The following CACNA1A variants were observed in gnomAD, a reference collection of about 807,000 sequenced individuals.
CACNA1A encodes calcium voltage-gated channel subunit alpha1 A, also known as voltage-dependent P/Q-type calcium channel subunit alpha-1A.
Under a neutral mutation model 262.4 loss-of-function variants are expected in CACNA1A, and 57 were observed. The observed-to-expected ratio is 0.22, with a 90% CI of 0.18 to 0.27. The LOEUF is 0.27. Ranked by LOEUF, CACNA1A falls within the 10% of genes least tolerant of loss-of-function variation. CACNA1A has a pLI of 1.00. For synonymous variants in CACNA1A, 1,431 were observed against 1,419.3 expected (o/e 1.01, Z -0.18); for missense variants, 2,526 against 3,562.8 (o/e 0.71, Z 7.41).
intron 38 of CACNA1A, among the ~76,000 whole-genome samples, chr19:13,223,510 G>A (rs992875645): frequency 2.0e-5 from 3 of 152,052 alleles, no homozygotes; most frequent in African/African-American, 7.2e-5. Context: ...CTAAGCTGCC[G>A]CCCTGTCTCC....
chr19:13,238,287 A>G (rs1011564351), intron 31 of CACNA1A, among the ~76,000 whole-genome samples: 1 of 152,068 alleles, frequency 6.6e-6, no homozygotes, highest in Non-Finnish European at 1.5e-5. Context: ...CTTCCTGGCT[A>G]GAATGTGATG....
At chr19:13,231,397 T>C (rs1165279982) in intron 35 of CACNA1A, among the ~76,000 whole-genome samples, 1 of 150,052 alleles carries the variant, frequency 6.7e-6, no homozygotes, top group Admixed American at 6.6e-5. Flanking sequence ...CACCTGGCAA[T>C]GTCCGGAGAC....
chr19:13,411,694 TTCTCTCTC>T (rs144610146), intron 3 of CACNA1A, among the ~76,000 whole-genome samples: 1 of 147,766 alleles, frequency 6.8e-6, no homozygotes, highest in Non-Finnish European at 1.5e-5. Context: ...CTCTTTCTCC[TTCTCTCTC>T]TCTCTCTCTC....
At chr19:13,468,778 C>A (rs1428623364) in intron 1 of CACNA1A, among the ~76,000 whole-genome samples, 1 of 152,140 alleles carries the variant, frequency 6.6e-6, no homozygotes. Context: ...CAGAGCAAGA[C>A]TCTGTCTCAA....
intron 38 of CACNA1A, among the ~76,000 whole-genome samples, chr19:13,224,214 C>T (rs577461252): frequency 4.0e-5 from 6 of 151,892 alleles, no homozygotes; most frequent in African/African-American, 1.4e-4. Flanking sequence ...ATCCCAGCTA[C>T]TTGGGAGGCT....
chr19:13,472,608 T>C (rs1978287636), intron 1 of CACNA1A, among the ~76,000 whole-genome samples: 1 of 152,204 alleles, frequency 6.6e-6, no homozygotes, highest in South Asian at 2.1e-4. Flanking sequence ...CTGTTCCCTC[T>C]GCCTGGGATT....
intron 10 of CACNA1A, among the ~76,000 whole-genome samples, chr19:13,325,134 C>T (rs559595719): frequency 2.9e-5 from 4 of 140,326 alleles, no homozygotes; most frequent in Non-Finnish European, 6.1e-5. Flanking sequence ...ATTCCTCCTC[C>T]TCCTCCTCTT....
At chr19:13,293,688 C>G (rs907577097) in intron 19 of CACNA1A, among the ~76,000 whole-genome samples, 4 of 150,314 alleles carry the variant, frequency 2.7e-5, no homozygotes, top group African/African-American at 9.8e-5. Flanking sequence ...GAACTCATGA[C>G]CTTGTGATCC....
intron 43 of CACNA1A, chr19:13,211,744 C>A (rs1459978228): frequency 2.8e-5 from 8 of 281,334 alleles, no homozygotes; most frequent in African/African-American, 1.5e-4. Flanking sequence ...TAGGGGTGAT[C>A]TTCGTGGCAG....
At chr19:13,237,533 C>G (rs536625542) in intron 31 of CACNA1A, among the ~76,000 whole-genome samples, 1 of 152,242 alleles carries the variant, frequency 6.6e-6, no homozygotes, top group Non-Finnish European at 1.5e-5. Context: ...GGCCTGGGAG[C>G]TGAGAGGCAA....
At chr19:13,348,474 A>G (rs1427353116) in intron 6 of CACNA1A, among the ~76,000 whole-genome samples, 1 of 151,828 alleles carries the variant, frequency 6.6e-6, no homozygotes, top group Non-Finnish European at 1.5e-5. Context: ...AGGCCAAGGC[A>G]GGCAGATCAC....
chr19:13,308,493 A>C lies in CACNA1A; in HGVS notation c.1704T>G (p.Ala568=). ...IIGSIFEVIW[A]VIKPGTSFGI... is the part of the protein sequence containing the mutation. The stretch of plus-strand genomic sequence containing the variant: ...CAAAGGATGTGCCAGGTTTTATGAC[A>C]GCCCAGATGACCTCGAAGATGCTCC... The change falls in exon 13 of 47, where the codon GCT becomes GCG. Residue 568 remains alanine, a synonymous_variant. Coordinates refer to ENST00000360228, the MANE Select transcript of CACNA1A (RefSeq NM_001127222.2). The surrounding 1 kb of genome is among the most constrained non-coding windows in gnomAD (Gnocchi z 4.2). 1 of 1,613,462 alleles carries C rather than the reference A, an allele frequency of 6.2e-7. No individual in the cohort carries two copies. Among genetic ancestry groups the C allele is most frequent in the Non-Finnish European group, 8.5e-7 (1 of 1,179,584 alleles).
chr19:13,283,744 G>A lies in CACNA1A; in HGVS notation c.3693-348C>T, dbSNP rs958880443. The stretch of plus-strand genomic sequence containing the variant: ...GGCTTTTCGATATTAAATGTCCCAG[G>A]GCCAAACAATATTGTGAATCTATGG... On this transcript the variant is annotated intron_variant, in intron 21 of 46. Transcript: ENST00000360228. 28 of 188,380 alleles carry A rather than the reference G, an allele frequency of 1.5e-4. 1 individual carries two copies. Among genetic ancestry groups the A allele is most frequent in the Non-Finnish European group, 2.4e-4 (22 of 89,864 alleles). 11.7% of individuals were successfully genotyped at this position (188,380 alleles called of 1,614,324 possible). A position where few individuals can be genotyped will look rare whatever the true frequency, so the allele number is the denominator to read the frequency against.
At chr19:13,466,287 C>T (rs1174218117) in intron 1 of CACNA1A, among the ~76,000 whole-genome samples, 3 of 150,000 alleles carry the variant, frequency 2.0e-5, no homozygotes, top group African/African-American at 4.9e-5. Context: ...TTACCCTGGG[C>T]GACACAGTGA....
chr19:13,232,768 GC>G (rs2055715119), intron 34 of CACNA1A, among the ~76,000 whole-genome samples: 1 of 149,532 alleles, frequency 6.7e-6, no homozygotes, highest in South Asian at 2.1e-4. Context: ...CTCCCTTCAG[GC>G]CGGGTGCAGT....
At chr19:13,429,251 T>C (rs2060461299) in intron 3 of CACNA1A, among the ~76,000 whole-genome samples, 1 of 151,310 alleles carries the variant, frequency 6.6e-6, no homozygotes, top group South Asian at 2.1e-4. Context: ...CCACTAAAAT[T>C]AGCTCCATCT....
At chr19:13,464,693 C>CTT (rs1468055425) in intron 1 of CACNA1A, among the ~76,000 whole-genome samples, 4 of 151,314 alleles carry the variant, frequency 2.6e-5, no homozygotes, top group African/African-American at 9.7e-5. Context: ...GGATTACAGG[C>CTT]GCCTGCCACC....
At position 13,303,863 on chromosome 19, in the gene CACNA1A, T is replaced by G. The variant is rs1348014902; in HGVS notation, c.2008A>C (p.Asn670His). The G allele has an allele frequency of 6.2e-7, 1 of 1,613,252 alleles. No individual in the cohort carries two copies. The highest frequency in any genetic ancestry group is 1.3e-5 in the African/African-American group (1 of 74,864). ...VFQILTGEDW[N>H]EVMYDGIKSQ... is the part of the protein sequence containing the mutation. Reference sequence around the variant, plus strand: ...TTGATCCCGTCGTACATGACCTCGTTCCAGTCTTCGCCCGTCAGGATCTGA... The same window carrying G: ...TTGATCCCGTCGTACATGACCTCGTGCCAGTCTTCGCCCGTCAGGATCTGA... The change falls in exon 16 of 47, where the codon AAC becomes CAC. Residue 670 changes from asparagine (N) to histidine (H), a missense_variant. Coordinates refer to ENST00000360228, the MANE Select transcript of CACNA1A (RefSeq NM_001127222.2).
At chr19:13,426,373 G>A (rs557166081) in intron 3 of CACNA1A, among the ~76,000 whole-genome samples, 152 of 152,142 alleles carry the variant, frequency 1.0e-3, no homozygotes, top group Non-Finnish European at 5.9e-4. Flanking sequence ...GGGACATTTC[G>A]TTTGGCAATG....
Sources: allele counts gnomAD v4.1 joint callset (sites outside exome capture counted in the v4.1 genomes callset), GRCh38; gene constraint gnomAD v4.1.1; non-coding constraint Gnocchi (gnomAD v3.1); transcripts MANE v1.5; gene names NCBI Gene and HGNC (gene_info 2026-07-23, HGNC 2026-07-21).